Variants in CSMD3 observed in about 807,000 individuals in gnomAD.
CSMD3 encodes the protein CUB and Sushi multiple domains 3.
CSMD3 carries 177 observed loss-of-function variants against 435.2 expected under a neutral mutation model. The observed-to-expected ratio is 0.41, with a 90% CI of 0.36 to 0.46. The LOEUF is 0.46. Ranked by LOEUF, CSMD3 falls within the 20% of genes least tolerant of loss-of-function variation. CSMD3 has a pLI of 0.34. For synonymous variants in CSMD3, 1,656 were observed against 1,520.5 expected (o/e 1.09, Z -2.07); for missense variants, 4,265 against 4,504.6 (o/e 0.95, Z 1.52).
At chr8:113,310,717 A>C (rs937273322) in intron 2 of CSMD3, 5 of 151,930 alleles carry the variant, frequency 3.3e-5, no homozygotes, top group Non-Finnish European at 7.4e-5. Flanking sequence ...GATTCTGGAA[A>C]GCATATTAGT....
chr8:113,163,162 T>C (rs1336844260), intron 4 of CSMD3, among the ~76,000 whole-genome samples: 1 of 152,178 alleles, frequency 6.6e-6, no homozygotes. Flanking sequence ...TGATATCTTA[T>C]TAACATTTCA....
At chr8:113,143,161 C>A (rs1445345049) in intron 4 of CSMD3, among the ~76,000 whole-genome samples, 1 of 150,944 alleles carries the variant, frequency 6.6e-6, no homozygotes, top group Non-Finnish European at 1.5e-5. Context: ...CAAAAAAATA[C>A]ATGAATAAAC....
chr8:113,012,545 T>C (rs1224363921), intron 6 of CSMD3, among the ~76,000 whole-genome samples: 2 of 152,114 alleles, frequency 1.3e-5, no homozygotes, highest in South Asian at 2.1e-4. Context: ...CTGTTGATAG[T>C]GAGTGAATTC....
intron 1 of CSMD3, among the ~76,000 whole-genome samples, chr8:113,346,278 T>C (rs977584494): frequency 6.6e-6 from 1 of 152,012 alleles, no homozygotes; most frequent in East Asian, 1.9e-4. Flanking sequence ...TCTTGATATA[T>C]TAACTTTCTG....
intron 13 of CSMD3, among the ~76,000 whole-genome samples, chr8:112,767,436 T>C (rs1440225046): frequency 2.0e-5 from 3 of 151,796 alleles, no homozygotes; most frequent in Non-Finnish European, 2.9e-5. Flanking sequence ...GTTTTGAACA[T>C]GGACACTGAA....
intron 31 of CSMD3, among the ~76,000 whole-genome samples, chr8:112,492,143 G>A (rs1820765254): frequency 6.6e-6 from 1 of 152,088 alleles, no homozygotes; most frequent in South Asian, 2.1e-4. Context: ...GTTTCAGTGT[G>A]TTTGTTCCTC....
rs374642520 is a variant in CSMD3, at chr8:113,015,199, TATGA to T, written c.1030+3864_1030+3867del. ...CAGAAGTCTCTGTGTAATTAAGGTATATGAAAGGGCATTTTCGATATGGTTTGAA... is the reference window on the plus strand; with the variant it reads ...CAGAAGTCTCTGTGTAATTAAGGTATAAGGGCATTTTCGATATGGTTTGAA... On this transcript the variant is annotated intron_variant, in intron 6 of 70. Transcript: ENST00000297405. Among the ~76,000 whole-genome samples, 537 of 152,206 alleles carry T rather than the reference TATGA, an allele frequency of 3.5e-3. 3 individuals are homozygous for T. Among genetic ancestry groups the T allele is most frequent in the African/African-American group, 0.012 (501 of 41,570 alleles).
intron 31 of CSMD3, among the ~76,000 whole-genome samples, chr8:112,480,250 G>A (rs1382050126): frequency 6.6e-6 from 1 of 152,196 alleles, no homozygotes; most frequent in Non-Finnish European, 1.5e-5. Context: ...CACTACTATT[G>A]TATCTTGGGA....
chr8:112,737,648 A>C (rs1021130678), intron 13 of CSMD3, among the ~76,000 whole-genome samples: 1 of 151,878 alleles, frequency 6.6e-6, no homozygotes, highest in African/African-American at 2.4e-5. Flanking sequence ...ACAATAAATC[A>C]TATTGTCACC....
chr8:113,047,027 C>T (rs2087866547), intron 5 of CSMD3, among the ~76,000 whole-genome samples: 1 of 152,148 alleles, frequency 6.6e-6, no homozygotes, highest in Admixed American at 6.5e-5. Flanking sequence ...TATACACCAT[C>T]AGGTTGATGG....
At chr8:112,538,337 A>C (rs949520778) in intron 27 of CSMD3, among the ~76,000 whole-genome samples, 3 of 152,092 alleles carry the variant, frequency 2.0e-5, no homozygotes, top group Non-Finnish European at 4.4e-5. Context: ...TCATAGTACT[A>C]AAAGTCCTGC....
At chr8:112,467,226 C>G (rs1818045723) in intron 32 of CSMD3, among the ~76,000 whole-genome samples, 1 of 152,118 alleles carries the variant, frequency 6.6e-6, no homozygotes, top group African/African-American at 2.4e-5. Context: ...GGTGAGAAGG[C>G]AGATTACTGG....
chr8:113,383,337 AAG>A (rs2133114401), intron 1 of CSMD3, among the ~76,000 whole-genome samples: 1 of 152,324 alleles, frequency 6.6e-6, no homozygotes, highest in South Asian at 2.1e-4. Flanking sequence ...CATAGTATCA[AAG>A]AGAGTTTTAA....
At chr8:113,108,271 T>G (rs970469561) in intron 4 of CSMD3, among the ~76,000 whole-genome samples, 1 of 151,918 alleles carries the variant, frequency 6.6e-6, no homozygotes, top group African/African-American at 2.4e-5. Context: ...CTACTAAAAA[T>G]ATAAAAATTA....
chr8:112,455,583 ATAAG>A (rs1157384407), intron 32 of CSMD3, among the ~76,000 whole-genome samples: 18 of 128,106 alleles, frequency 1.4e-4, no homozygotes, highest in African/African-American at 4.8e-4. Flanking sequence ...AATTATAAAA[ATAAG>A]TAAGTAAATA....
chr8:113,430,416 T>C (rs76682975), intron 1 of CSMD3, among the ~76,000 whole-genome samples: 2,077 of 152,254 alleles, frequency 0.014, 21 homozygotes, highest in Non-Finnish European at 0.022. Flanking sequence ...GAAAGTTGAA[T>C]TGCTAGTCCA....
rs2083666123 is a variant in CSMD3 at position 112,947,794 on chromosome 8, A to C, written c.1504T>G (p.Phe502Val). 1 of 1,339,332 alleles carries C rather than the reference A, an allele frequency of 7.5e-7. No homozygotes were observed. Among genetic ancestry groups the C allele is most frequent in the Non-Finnish European group, 1.1e-6 (1 of 931,890 alleles). The allele number at this position is 1,339,332 out of a possible 1,614,324, so 83.0% of individuals were successfully genotyped here. A position where few individuals can be genotyped will look rare whatever the true frequency, so the allele number is the denominator to read the frequency against. The change falls in exon 9 of 71, where the codon TTT becomes GTT. Residue 502 changes from phenylalanine (F) to valine (V), a missense_variant. Phe to Val is a conservative substitution (Grantham distance 50). This residue lies in a region of CSMD3 where 731 missense variants were observed against 755.4 expected (regional missense o/e 0.97). Transcript: ENST00000297405. Reference sequence around the variant, plus strand: ...GTCAATATTTTAAAATATTACCTAAAATCTGATCCGATTCTCTTCCCATTT... The same window carrying C: ...GTCAATATTTTAAAATATTACCTAACATCTGATCCGATTCTCTTCCCATTT... ...PENGKRIGSD[F>V]SLGSTVQFSC...
At chr8:112,710,573 T>A (rs986436338) in intron 13 of CSMD3, among the ~76,000 whole-genome samples, 1 of 151,734 alleles carries the variant, frequency 6.6e-6, no homozygotes, top group Non-Finnish European at 1.5e-5. Context: ...TTTATTAACA[T>A]TTGGTTTTGT....
intron 5 of CSMD3, among the ~76,000 whole-genome samples, chr8:113,081,516 G>A (rs1039337730): frequency 2.6e-5 from 4 of 152,126 alleles, no homozygotes; most frequent in African/African-American, 9.7e-5. Flanking sequence ...AGCCCCCTCA[G>A]CACCCCGATA....
Sources: gnomAD v4.1 joint callset for allele counts (sites outside exome capture counted in the v4.1 genomes callset) on GRCh38, gnomAD v4.1.1 for gene constraint, gnomAD v4.1.1 regional missense constraint, MANE v1.5 for transcripts, NCBI Gene and HGNC (gene_info 2026-07-23, HGNC 2026-07-21) for gene names.